Variants in MEIS1 observed in about 807,000 individuals in gnomAD.
MEIS1 encodes Meis homeobox 1.
Under a neutral mutation model 50.8 loss-of-function variants are expected in MEIS1, and 5 were observed. The observed-to-expected ratio is 0.10, with a 90% CI of 0.05 to 0.21. The LOEUF (loss-of-function observed/expected upper bound fraction) is 0.21. Ranked by LOEUF, MEIS1 falls within the 10% of genes least tolerant of loss-of-function variation. MEIS1 has a pLI of 1.00. For missense variants in MEIS1, 318 were observed against 517.3 expected, an observed-to-expected ratio of 0.61 and a Z score of 3.74; for synonymous variants, 176 against 179.3, an observed-to-expected ratio of 0.98 and a Z score of 0.15.
chr2:66,478,702 T>G (rs138378900), intron 7 of MEIS1, among the ~76,000 whole-genome samples: 1 of 152,212 alleles, frequency 6.6e-6, no homozygotes, highest in South Asian at 2.1e-4. Context: ...AAAGGAATAA[T>G]GCAACAATTC....
At chr2:66,499,071 A>G (rs1673484512) in intron 7 of MEIS1, among the ~76,000 whole-genome samples, 1 of 152,192 alleles carries the variant, frequency 6.6e-6, no homozygotes, top group African/African-American at 2.4e-5. Flanking sequence ...TGGCACTACA[A>G]ATTCACAAAA....
chr2:66,550,703 G>A (rs1277820458), intron 9 of MEIS1, among the ~76,000 whole-genome samples: 1 of 151,720 alleles, frequency 6.6e-6, no homozygotes, highest in South Asian at 2.1e-4. Context: ...TTGCTATGTT[G>A]CCCAGGCTGG....
At chr2:66,503,432 C>G (rs1199769637) in intron 7 of MEIS1, among the ~76,000 whole-genome samples, 1 of 152,166 alleles carries the variant, frequency 6.6e-6, no homozygotes, top group Non-Finnish European at 1.5e-5. Context: ...TTTTCTCCGC[C>G]CTTTAGATTT....
chr2:66,462,166 C>T (rs960736980), intron 6 of MEIS1, among the ~76,000 whole-genome samples: 1 of 152,180 alleles, frequency 6.6e-6, no homozygotes, highest in African/African-American at 2.4e-5. Context: ...GGTTCTAAGT[C>T]ACCTTTTTGG....
At position 66,569,062 on chromosome 2, in the gene MEIS1, G is replaced by C. The variant is rs753394170; in HGVS notation, c.1127G>C (p.Gly376Ala). The C allele has an allele frequency of 1.2e-6, 2 of 1,613,768 alleles. No individual in the cohort carries two copies. The highest frequency in any genetic ancestry group is 2.2e-5 in the South Asian group (2 of 91,066). The part of the protein sequence containing the change: ...MGIRAPGPMS[G>A]MGMNMGMEGQ... ...ATCTCCCTTCTAGGACCTATGAGTG[G>C]AATGGGCATGAATATGGGCATGGAG... The change falls in exon 12 of 13, where the codon GGA becomes GCA. Residue 376 changes from glycine (G) to alanine (A), a missense_variant. Physicochemically the swap from Gly to Ala is moderately conservative, Grantham distance 60. Transcript: ENST00000272369.
At chr2:66,469,319 C>T (rs560902249) in intron 7 of MEIS1, among the ~76,000 whole-genome samples, 2 of 152,266 alleles carry the variant, frequency 1.3e-5, no homozygotes, top group Admixed American at 6.5e-5. Context: ...CCCCTCCACA[C>T]CAGCTTTTGT....
chr2:66,494,581 G>A (rs553206539), intron 7 of MEIS1, among the ~76,000 whole-genome samples: 3 of 152,248 alleles, frequency 2.0e-5, no homozygotes, highest in Non-Finnish European at 4.4e-5. Flanking sequence ...AACAGGCCGT[G>A]TAAAGGTGGT....
intron 10 of MEIS1, 92 bp downstream of exon 10, chr2:66,567,603 T>A: frequency 8.6e-7 from 1 of 1,166,054 alleles, no homozygotes; most frequent in South Asian, 1.3e-5. Context: ...GTAAATAAAC[T>A]GGGAGTGAGT....
intron 8 of MEIS1, among the ~76,000 whole-genome samples, chr2:66,517,996 G>C (rs546135638): frequency 1.6e-4 from 24 of 152,128 alleles, no homozygotes; most frequent in Non-Finnish European, 2.4e-4. Context: ...GCATCAGCCT[G>C]TTCTCCACAT....
chr2:66,524,055 G>A (rs1052927169), intron 8 of MEIS1, among the ~76,000 whole-genome samples: 1 of 152,228 alleles, frequency 6.6e-6, no homozygotes, highest in Non-Finnish European at 1.5e-5. Context: ...TTGCTCTTAT[G>A]ATCGAAATAA....
chr2:66,566,345 A>G (rs1675346848), intron 9 of MEIS1, among the ~76,000 whole-genome samples: 1 of 152,278 alleles, frequency 6.6e-6, no homozygotes, highest in South Asian at 2.1e-4. Flanking sequence ...TTCCTTCCTG[A>G]AGTGGGCAGA....
intron 8 of MEIS1, among the ~76,000 whole-genome samples, chr2:66,546,596 T>C (rs976688597): frequency 6.6e-6 from 1 of 152,200 alleles, no homozygotes; most frequent in Non-Finnish European, 1.5e-5. Flanking sequence ...GGATGATAGA[T>C]TCCATTTATG....
intron 7 of MEIS1, among the ~76,000 whole-genome samples, chr2:66,480,243 T>C (rs1039700231): frequency 1.3e-5 from 2 of 152,218 alleles, no homozygotes; most frequent in African/African-American, 4.8e-5. Flanking sequence ...TTATTTCCTA[T>C]TTGGTGTGTT....
chr2:66,538,442 G>C (rs1455765950), intron 8 of MEIS1, among the ~76,000 whole-genome samples: 1 of 152,162 alleles, frequency 6.6e-6, no homozygotes, highest in Non-Finnish European at 1.5e-5. Flanking sequence ...GCAAAATCTG[G>C]ACTAGGCACT....
chr2:66,451,079 A>T (rs1320527491), intron 6 of MEIS1, among the ~76,000 whole-genome samples: 1 of 151,216 alleles, frequency 6.6e-6, no homozygotes, highest in East Asian at 1.9e-4. Context: ...CAAAACAGGA[A>T]TGAATAGAGG....
intron 7 of MEIS1, among the ~76,000 whole-genome samples, chr2:66,490,199 C>A (rs558428950): frequency 3.9e-5 from 6 of 152,208 alleles, no homozygotes; most frequent in Non-Finnish European, 8.8e-5. Context: ...GTCACTGAGA[C>A]CACTTCACAG....
intron 7 of MEIS1, among the ~76,000 whole-genome samples, chr2:66,469,160 A>G (rs60653633): frequency 0.28 from 42,614 of 151,548 alleles, 8,089 homozygotes; most frequent in African/African-American, 0.54. Flanking sequence ...CTCCTTTAGG[A>G]GGCAGGACTC....
chr2:66,454,936 AGTG>A (rs1672355228), intron 6 of MEIS1: 1 of 152,194 alleles, frequency 6.6e-6, no homozygotes, highest in Admixed American at 6.5e-5. Context: ...TTGGAAATAT[AGTG>A]GTATCAGTGG....
intron 2 of MEIS1, 34 bp from the exon 3 acceptor site, chr2:66,439,809 T>C (rs756972266): frequency 2.5e-6 from 4 of 1,610,042 alleles, no homozygotes; most frequent in Non-Finnish European, 2.5e-6. Flanking sequence ...GGACTAACCA[T>C]TATGTTGTTT....
Sources: allele counts gnomAD v4.1 joint callset (sites outside exome capture counted in the v4.1 genomes callset), GRCh38; gene constraint gnomAD v4.1.1; transcripts MANE v1.5; gene names NCBI Gene and HGNC (gene_info 2026-07-23, HGNC 2026-07-21).